Variants in SULF1 observed in about 807,000 individuals in gnomAD.
SULF1 encodes extracellular sulfatase Sulf-1.
A neutral mutation model predicts 110.5 loss-of-function variants in SULF1; 46 were observed. The ratio of observed to expected loss-of-function variants is 0.42; its 90% confidence interval spans 0.33 to 0.53. The LOEUF is 0.53. Ranked by LOEUF, SULF1 falls within the 20% of genes least tolerant of loss-of-function variation. The pLI is 0.12. For missense variants in SULF1, 941 were observed against 1,094.2 expected, an observed-to-expected ratio of 0.86 and a Z score of 1.98; for synonymous variants, 371 against 387.1, an observed-to-expected ratio of 0.96 and a Z score of 0.49.
chr8:69,651,906 A>G (rs889059464), intron 22 of SULF1, among the ~76,000 whole-genome samples: 2 of 152,142 alleles, frequency 1.3e-5, no homozygotes, highest in Non-Finnish European at 2.9e-5. Flanking sequence ...AAACAACACA[A>G]ATTTATTCTC....
chr8:69,593,091 T>A, intron 8 of SULF1: 2 of 414,380 alleles, frequency 4.8e-6, no homozygotes, highest in Non-Finnish European at 6.5e-6. Flanking sequence ...TTTGTGCACC[T>A]AGAATGTGGT....
At chr8:69,558,073 T>G (rs1563528806) in intron 3 of SULF1, among the ~76,000 whole-genome samples, 1 of 152,192 alleles carries the variant, frequency 6.6e-6, no homozygotes, top group Non-Finnish European at 1.5e-5. Context: ...AAATTAGCTT[T>G]TTCGTGGATT....
intron 3 of SULF1, among the ~76,000 whole-genome samples, chr8:69,550,611 A>G (rs1035579416): frequency 2.6e-5 from 4 of 152,066 alleles, no homozygotes; most frequent in Admixed American, 2.6e-4. Context: ...AGGAAAGAAG[A>G]CCAGACATGA....
At chr8:69,475,454 A>G (rs1809262114) in intron 1 of SULF1, among the ~76,000 whole-genome samples, 1 of 152,130 alleles carries the variant, frequency 6.6e-6, no homozygotes. Flanking sequence ...ACGCAGTGGG[A>G]ATAAGGAAAG....
intron 13 of SULF1, among the ~76,000 whole-genome samples, chr8:69,608,456 G>A (rs1197594682): frequency 6.6e-6 from 1 of 152,154 alleles, no homozygotes; most frequent in Non-Finnish European, 1.5e-5. Context: ...GAGGCGGGCA[G>A]ATCATCTGAG....
intron 5 of SULF1, among the ~76,000 whole-genome samples, chr8:69,565,385 T>C (rs1815803951): frequency 6.6e-6 from 1 of 152,210 alleles, no homozygotes; most frequent in Admixed American, 6.5e-5. Flanking sequence ...ATTTTAGCTT[T>C]TTTAGAGCCT....
intron 21 of SULF1, 126 bp downstream of exon 21, chr8:69,638,984 C>T (rs1037180717): frequency 1.1e-6 from 1 of 946,840 alleles, no homozygotes; most frequent in African/African-American, 1.7e-5. Flanking sequence ...GAGACACTTT[C>T]CAGGCAATTC....
At chr8:69,533,846 C>A (rs879846536) in intron 3 of SULF1, among the ~76,000 whole-genome samples, 14 of 152,096 alleles carry the variant, frequency 9.2e-5, no homozygotes, top group Non-Finnish European at 1.8e-4. Flanking sequence ...TACTTTTTTA[C>A]CTCCGATCTG....
At chr8:69,534,276 G>A (rs2150651015) in intron 3 of SULF1, among the ~76,000 whole-genome samples, 1 of 152,284 alleles carries the variant, frequency 6.6e-6, no homozygotes, top group Admixed American at 6.5e-5. Flanking sequence ...CAAATAATTT[G>A]TTTAAATGTC....
At chr8:69,639,971 T>A (rs549719056) in intron 21 of SULF1, among the ~76,000 whole-genome samples, 1 of 152,124 alleles carries the variant, frequency 6.6e-6, no homozygotes, top group African/African-American at 2.4e-5. Context: ...AAGAGCAGAC[T>A]GTACTTGCAA....
rs138741613 is a variant in SULF1, at chr8:69,530,762, C to T, written c.-134+28794C>T. 3.3e-3 allele frequency among the ~76,000 whole-genome samples: 505 copies of T among 152,292 alleles called. 3 individuals carry two copies. Among genetic ancestry groups the T allele is most frequent in the African/African-American group, 0.012 (484 of 41,564 alleles). ...TTAGAAAGAGGAAAATCTAACTAAA[C>T]CTCAATACTAGCATTGACCTATAAC... On this transcript the variant is annotated intron_variant, in intron 3 of 22. Transcript: ENST00000402687.
chr8:69,580,824 A>G (rs979247813), intron 6 of SULF1, among the ~76,000 whole-genome samples: 4 of 152,202 alleles, frequency 2.6e-5, no homozygotes, highest in African/African-American at 7.2e-5. Context: ...GTTCTGAAAA[A>G]GAAAAATTAT....
intron 5 of SULF1, among the ~76,000 whole-genome samples, chr8:69,568,046 A>C (rs1015324023): frequency 3.3e-5 from 5 of 152,120 alleles, no homozygotes; most frequent in African/African-American, 1.2e-4. Flanking sequence ...ATGGGCATGA[A>C]GTGTTATCTC....
intron 19 of SULF1, among the ~76,000 whole-genome samples, chr8:69,634,719 G>A (rs566685923): frequency 2.6e-5 from 4 of 152,198 alleles, no homozygotes; most frequent in South Asian, 2.1e-4. Context: ...ACCACTGGGC[G>A]ACAGAGTGAG....
intron 22 of SULF1, among the ~76,000 whole-genome samples, chr8:69,649,670 G>A (rs1812180954): frequency 6.6e-6 from 1 of 152,002 alleles, no homozygotes; most frequent in Admixed American, 6.6e-5. Context: ...CTCTGTTGGG[G>A]TTTGTCTGAT....
At chr8:69,486,326 A>T (rs1028970584) in intron 1 of SULF1, among the ~76,000 whole-genome samples, 1 of 151,506 alleles carries the variant, frequency 6.6e-6, no homozygotes, top group African/African-American at 2.4e-5. Context: ...TTTTTTTAAA[A>T]AAAAAAAATC....
intron 8 of SULF1, among the ~76,000 whole-genome samples, chr8:69,598,151 T>C (rs540022049): frequency 6.6e-6 from 1 of 151,542 alleles, no homozygotes; most frequent in Non-Finnish European, 1.5e-5. Context: ...TAACGAACCA[T>C]TTTCTTTGGT....
At chr8:69,502,879 G>T (rs998726090) in intron 3 of SULF1, among the ~76,000 whole-genome samples, 2 of 151,700 alleles carry the variant, frequency 1.3e-5, no homozygotes. Flanking sequence ...CAGAGATGGG[G>T]TTTCACCATG....
upstream of SULF1, among the ~76,000 whole-genome samples, chr8:69,491,715 A>G (rs1809950570): frequency 6.6e-6 from 1 of 152,216 alleles, no homozygotes; most frequent in Admixed American, 6.5e-5. Context: ...GCTGGCGACA[A>G]TGCAGGTAAG....
Sources: gnomAD v4.1 joint callset for allele counts (sites outside exome capture counted in the v4.1 genomes callset) on GRCh38, gnomAD v4.1.1 for gene constraint, MANE v1.5 for transcripts, NCBI Gene and HGNC (gene_info 2026-07-23, HGNC 2026-07-21) for gene names.